The following FARS2 variants were observed in gnomAD, a reference collection of about 807,000 sequenced individuals.
The protein encoded by FARS2 is phenylalanyl-tRNA synthetase 2, mitochondrial.
FARS2 carries 40 observed loss-of-function variants against 46.4 expected under a neutral mutation model. That is an observed-to-expected ratio of 0.86 (90% CI 0.67 to 1.12). FARS2 has a LOEUF of 1.12. Ranked by LOEUF, FARS2 falls within the 50% of genes most tolerant of loss-of-function variation. FARS2 has a pLI of 0.00. For synonymous variants in FARS2, 234 were observed against 214.9 expected, an observed-to-expected ratio of 1.09 and a Z score of -0.78; for missense variants, 513 against 567.9, an observed-to-expected ratio of 0.90 and a Z score of 0.98.
At chr6:5,534,420 A>G (rs1561691945) in intron 4 of FARS2, among the ~76,000 whole-genome samples, 1 of 152,310 alleles carries the variant, frequency 6.6e-6, no homozygotes, top group East Asian at 1.9e-4. Context: ...CTCTGTACCC[A>G]TTAAGCATTA....
intron 6 of FARS2, among the ~76,000 whole-genome samples, chr6:5,655,410 A>G (rs904394415): frequency 2.0e-5 from 3 of 152,214 alleles, no homozygotes; most frequent in Non-Finnish European, 4.4e-5. Context: ...TACCACAAAC[A>G]TAGTGGCTTA....
intron 1 of FARS2, among the ~76,000 whole-genome samples, chr6:5,296,222 A>G (rs748857934): frequency 1.4e-4 from 18 of 130,304 alleles, no homozygotes; most frequent in Non-Finnish European, 2.0e-4. Flanking sequence ...GCTCACTGCA[A>G]GCTCCGCCTC....
At chr6:5,677,333 C>T (rs1778816790) in intron 6 of FARS2, among the ~76,000 whole-genome samples, 1 of 152,194 alleles carries the variant, frequency 6.6e-6, no homozygotes. Context: ...TCCTAGCTCC[C>T]ATTCAAGTTA....
chr6:5,572,075 C>A (rs1319511192), intron 5 of FARS2, among the ~76,000 whole-genome samples: 1 of 152,180 alleles, frequency 6.6e-6, no homozygotes, highest in African/African-American at 2.4e-5. Context: ...TCATGTTGAA[C>A]ATGCCTGTAG....
chr6:5,724,873 A>G (rs948999469), intron 6 of FARS2, among the ~76,000 whole-genome samples: 1 of 152,246 alleles, frequency 6.6e-6, no homozygotes, highest in Non-Finnish European at 1.5e-5. Flanking sequence ...TTTGGAATAT[A>G]TGTTAGGTCT....
intron 2 of FARS2, among the ~76,000 whole-genome samples, chr6:5,388,803 T>G (rs1377212369): frequency 1.3e-5 from 2 of 152,140 alleles, no homozygotes; most frequent in African/African-American, 4.8e-5. Flanking sequence ...TTTCTCCAAG[T>G]GCCTTTTTCT....
In FARS2 at chr6:5,765,891, T is replaced by G. The variant is rs929913331; in HGVS notation, c.1218-5400T>G. On this transcript the variant is annotated intron_variant, in intron 6 of 6. Transcript: ENST00000274680. The surrounding 1 kb of genome is among the most constrained non-coding windows in gnomAD (Gnocchi z 4.0). ...GCTGTTTGTTGAATAACTAAAGGAATCTATGAATAAACTGGTGACAATGGA... is the reference window on the plus strand; with the variant it reads ...GCTGTTTGTTGAATAACTAAAGGAAGCTATGAATAAACTGGTGACAATGGA... 6.6e-6 allele frequency among the ~76,000 whole-genome samples: 1 copy of G among 152,100 alleles called. No homozygotes were observed. Among genetic ancestry groups the G allele is most frequent in the Non-Finnish European group, 1.5e-5 (1 of 68,032 alleles).
intron 4 of FARS2, among the ~76,000 whole-genome samples, chr6:5,500,933 C>CGAGAGAGA (rs58128430): frequency 4.2e-5 from 6 of 143,658 alleles, no homozygotes; most frequent in South Asian, 2.4e-4. Context: ...TTCAAATCCC[C>CGAGAGAGA]GAGAGAGAGA....
intron 4 of FARS2, among the ~76,000 whole-genome samples, chr6:5,432,419 T>C (rs1406931575): frequency 7.8e-5 from 10 of 128,704 alleles, no homozygotes; most frequent in African/African-American, 2.7e-4. Flanking sequence ...ATATATAATA[T>C]ATAATATATT....
rs116332979 is a variant in FARS2, at chr6:5,565,594, A to G, written c.1065+20254A>G. 2.1e-3 allele frequency among the ~76,000 whole-genome samples: 326 copies of G among 152,342 alleles called. 2 individuals are homozygous for G. Among genetic ancestry groups the G allele is most frequent in the African/African-American group, 7.6e-3 (318 of 41,576 alleles). On this transcript the variant is annotated intron_variant, in intron 5 of 6. Transcript: ENST00000274680. ...GTAACTTTACCATTAATTATGATTG[A>G]TAGCATATACTTAGACATTAGCATT...
intron 3 of FARS2, 25 bp from the exon 4 acceptor site, chr6:5,431,016 A>G (rs780671245): frequency 3.1e-6 from 5 of 1,611,082 alleles, no homozygotes; most frequent in Non-Finnish European, 4.2e-6. Flanking sequence ...AACACTACTT[A>G]TTTGTTTCTT....
chr6:5,669,616 T>G (rs1778345661), intron 6 of FARS2, among the ~76,000 whole-genome samples: 1 of 152,184 alleles, frequency 6.6e-6, no homozygotes, highest in Non-Finnish European at 1.5e-5. Flanking sequence ...CTCATCATAT[T>G]GCAGTGTATT....
At chr6:5,251,427 T>G in the FARS2 span, among the ~76,000 whole-genome samples, 8 of 152,334 alleles carry the variant, frequency 5.3e-5, no homozygotes, top group South Asian at 1.2e-3. Flanking sequence ...GGAATTGTGA[T>G]GCTGGCATCT....
At chr6:5,256,112 A>C (rs1764651802), upstream of FARS2, among the ~76,000 whole-genome samples, 1 of 152,036 alleles carries the variant, frequency 6.6e-6, no homozygotes, top group Non-Finnish European at 1.5e-5. Context: ...TAAGGTGAGA[A>C]AATTAGTGGC....
At chr6:5,639,452 A>G (rs1178118242) in intron 6 of FARS2, among the ~76,000 whole-genome samples, 1 of 152,236 alleles carries the variant, frequency 6.6e-6, no homozygotes, top group African/African-American at 2.4e-5. Context: ...ATAGGCACTC[A>G]TCTGGGAATC....
At position 5,392,686 on chromosome 6, in the gene FARS2, GA is replaced by G. The variant is rs569419987; in HGVS notation, c.613-11855del. Among the ~76,000 whole-genome samples, 227 of 150,642 alleles carry G rather than the reference GA, an allele frequency of 1.5e-3. 1 individual carries two copies. Among genetic ancestry groups the G allele is most frequent in the African/African-American group, 4.9e-3 (201 of 41,060 alleles). On this transcript the variant is annotated intron_variant, in intron 2 of 6. Transcript: ENST00000274680. The stretch of plus-strand genomic sequence containing the variant: ...CATTGGACTGAAGCTTAAGCTTTAA[GA>G]CCAGCTTGAGCAACATAGCAAAACA...
At chr6:5,434,202 G>T (rs753799291) in intron 4 of FARS2, among the ~76,000 whole-genome samples, 1 of 152,064 alleles carries the variant, frequency 6.6e-6, no homozygotes. Flanking sequence ...CTCTGCCCCC[G>T]CTGGGTTCAA....
chr6:5,755,019 A>G (rs1762134615), intron 6 of FARS2, among the ~76,000 whole-genome samples: 1 of 151,974 alleles, frequency 6.6e-6, no homozygotes, highest in African/African-American at 2.4e-5. Flanking sequence ...CTCATATTCT[A>G]TCCTATATGT....
chr6:5,311,435 TTTA>T lies in FARS2; in HGVS notation c.-22+49781_-22+49783del, dbSNP rs1426904156. ...GTGTGTGTGTGTACATTTGGCATGT[TTTA>T]TTATTCTCATTATTTTTAACTCAAC... is the stretch of plus-strand genomic sequence containing the variant. On this transcript the variant is annotated intron_variant, in intron 1 of 6. Coordinates refer to ENST00000274680, the MANE Select transcript of FARS2 (RefSeq NM_006567.5). This position sits in a 1 kb window ranked among gnomAD's most constrained non-coding sequence, Gnocchi z 4.1. Among the ~76,000 whole-genome samples, 3 of 152,150 alleles carry T rather than the reference TTTA, an allele frequency of 2.0e-5. No individual in the cohort carries two copies. Among genetic ancestry groups the T allele is most frequent in the Non-Finnish European group, 4.4e-5 (3 of 68,016 alleles).
Sources: gnomAD v4.1 joint callset for allele counts (sites outside exome capture counted in the v4.1 genomes callset) on GRCh38, gnomAD v4.1.1 for gene constraint, Gnocchi (gnomAD v3.1) non-coding constraint, MANE v1.5 for transcripts, NCBI Gene and HGNC (gene_info 2026-07-23, HGNC 2026-07-21) for gene names.